The following GORAB variants were observed in gnomAD, a reference collection of about 807,000 sequenced individuals.
GORAB encodes RAB6-interacting golgin.
Under a neutral mutation model 29.9 loss-of-function variants are expected in GORAB, and 17 were observed. The observed-to-expected ratio is 0.57, with a 90% CI of 0.39 to 0.85. The LOEUF (loss-of-function observed/expected upper bound fraction) is 0.85, where lower values mean the gene tolerates loss of function less well. Ranked by LOEUF, GORAB falls within the 40% of genes least tolerant of loss-of-function variation. GORAB has a pLI of 0.00. For synonymous variants in GORAB, 183 were observed against 157.2 expected (o/e 1.16, Z -1.23); for missense variants, 442 against 437.8 (o/e 1.01, Z -0.09).
At chr1:170,534,560 G>A (rs144843723) in intron 1 of GORAB, among the ~76,000 whole-genome samples, 7 of 152,094 alleles carry the variant, frequency 4.6e-5, no homozygotes, top group Non-Finnish European at 5.9e-5. Context: ...AGTTAGCAGC[G>A]GACCACATAT....
chr1:170,548,761 A>C (rs1306463382), intron 4 of GORAB, among the ~76,000 whole-genome samples: 1 of 152,216 alleles, frequency 6.6e-6, no homozygotes, highest in African/African-American at 2.4e-5. Flanking sequence ...GTAATGATGA[A>C]ATAATTCCTA....
At position 170,553,119 on chromosome 1, in the gene GORAB, C is replaced by T. The variant is rs1458581013; in HGVS notation, c.*657C>T. Reference sequence around the variant, plus strand: ...TGAAACACACACACTTATATATAAACACATGTAATTTTACTATTTTATTGT... The same window carrying T: ...TGAAACACACACACTTATATATAAATACATGTAATTTTACTATTTTATTGT... On this transcript the variant is annotated 3_prime_UTR_variant, in exon 5 of 5. Transcript: ENST00000367763. 2.3e-6 allele frequency: 1 copy of T among 443,302 alleles called. No homozygotes were observed. The highest frequency in any genetic ancestry group is 4.5e-6 in the Non-Finnish European group (1 of 223,424). 27.5% of individuals were successfully genotyped at this position (443,302 alleles called of 1,614,324 possible).
intron 1 of GORAB, among the ~76,000 whole-genome samples, chr1:170,533,274 A>C (rs903319118): frequency 1.3e-5 from 2 of 152,236 alleles, no homozygotes; most frequent in Non-Finnish European, 2.9e-5. Flanking sequence ...TGGGAAAAGA[A>C]GTAAATTAGT....
intron 2 of GORAB, among the ~76,000 whole-genome samples, chr1:170,541,388 A>G (rs1367908235): frequency 1.2e-4 from 19 of 152,074 alleles, no homozygotes; most frequent in Admixed American, 1.2e-3. Flanking sequence ...CGCAATCAAA[A>G]TAAAGGTTAG....
At position 170,539,429 on chromosome 1, in the gene GORAB, C is replaced by G. The variant is rs761888047; in HGVS notation, c.281C>G (p.Pro94Arg). 6 of 1,614,138 alleles carry G rather than the reference C, an allele frequency of 3.7e-6. No individual in the cohort carries two copies. The South Asian group carries it at 6.6e-5, about 18-fold the overall frequency. Residue 94 changes from proline (P) to arginine (R), a missense_variant, in exon 2 of 5, where the codon CCC (proline) becomes CGC (arginine). Pro to Arg is a moderately radical substitution (Grantham distance 103). Coordinates refer to ENST00000367763, the MANE Select transcript of GORAB (RefSeq NM_152281.3). ...TLPSHFTLTS[P>R]VGDGQPQGIE... ...CCGAGTCATTTCACTCTCACCTCCC[C>G]CGTTGGTGATGGACAACCACAGGGC...
At chr1:170,544,277 G>T (rs2101826908) in intron 3 of GORAB, among the ~76,000 whole-genome samples, 1 of 152,230 alleles carries the variant, frequency 6.6e-6, no homozygotes, top group African/African-American at 2.4e-5. Flanking sequence ...AAAGAGGTGT[G>T]GTTTAGTATA....
chr1:170,532,333 G>GAGGCGGGGATGCAGCTT, intron 1 of GORAB, 49 bp downstream of exon 1: 1 of 1,596,210 alleles, frequency 6.3e-7, no homozygotes, highest in Non-Finnish European at 8.6e-7. Context: ...TTAAGGGGAA[G>GAGGCGGGGATGCAGCTT]AGGCGGGGAT....
chr1:170,536,974 G>T (rs1002208391), intron 1 of GORAB, among the ~76,000 whole-genome samples: 4 of 152,106 alleles, frequency 2.6e-5, no homozygotes, highest in African/African-American at 9.7e-5. Context: ...AAAGGATATG[G>T]AGTATATATC....
At chr1:170,544,529 C>A in intron 3 of GORAB, 176 bp from the exon 4 acceptor site, 1 of 516,420 alleles carries the variant, frequency 1.9e-6, no homozygotes, top group Non-Finnish European at 3.3e-6. Context: ...TATAAAATTT[C>A]AAAAACTCAA....
intron 1 of GORAB, among the ~76,000 whole-genome samples, chr1:170,533,827 A>G (rs781600865): frequency 2.0e-5 from 3 of 152,230 alleles, no homozygotes; most frequent in Admixed American, 2.0e-4. Flanking sequence ...AGGACGGAAA[A>G]TATCTTAACC....
Position 170,552,509 on chromosome 1 carries a change from T to G in GORAB, c.*47T>G, listed in dbSNP as rs7552922. ...TAATATGGTATTGAGTAAAGTATAC[T>G]TTTTGCAGTAGATCATGCCCTGACC... On this transcript the variant is annotated 3_prime_UTR_variant, in exon 5 of 5. Coordinates refer to ENST00000367763, the MANE Select transcript of GORAB (RefSeq NM_152281.3). 0.15 allele frequency: 215,268 copies of G among 1,484,282 alleles called. 17,717 individuals carry two copies. The highest frequency in any genetic ancestry group is 0.31 in the South Asian group (27,144 of 88,088). The allele number at this position is 1,484,282 out of a possible 1,614,324, so 91.9% of individuals were successfully genotyped here.
intron 1 of GORAB, among the ~76,000 whole-genome samples, chr1:170,537,235 C>A (rs1471548951): frequency 6.6e-6 from 1 of 152,046 alleles, no homozygotes; most frequent in Non-Finnish European, 1.5e-5. Context: ...GCCAGCTATA[C>A]CTGTTGCCTT....
At chr1:170,539,009 T>A in intron 1 of GORAB, 1 of 627,300 alleles carries the variant, frequency 1.6e-6, no homozygotes, top group Non-Finnish European at 2.7e-6. Flanking sequence ...CAGTTTCTGT[T>A]AAATATTAAC....
At chr1:170,536,121 G>A (rs1649047417) in intron 1 of GORAB, among the ~76,000 whole-genome samples, 1 of 151,960 alleles carries the variant, frequency 6.6e-6, no homozygotes, top group Non-Finnish European at 1.5e-5. Context: ...TGCCACTAAC[G>A]TGGTATATGT....
intron 4 of GORAB, chr1:170,545,793 T>C (rs1649721646): frequency 6.2e-6 from 6 of 964,228 alleles, no homozygotes; most frequent in Non-Finnish European, 7.4e-6. Context: ...TAAGAAAGAG[T>C]CTTGTGGTTG....
intron 4 of GORAB, among the ~76,000 whole-genome samples, chr1:170,547,122 T>C (rs1324427532): frequency 1.3e-5 from 2 of 152,228 alleles, no homozygotes; most frequent in Non-Finnish European, 2.9e-5. Context: ...TTGTGGTTAT[T>C]GAGAAATTAC....
chr1:170,550,207 A>C (rs1650025512), intron 4 of GORAB, among the ~76,000 whole-genome samples: 2 of 152,212 alleles, frequency 1.3e-5, no homozygotes, highest in South Asian at 2.1e-4. Context: ...ACTCCAGTAC[A>C]TTTAATCCAT....
Position 170,552,132 on chromosome 1 carries a change from G to A in GORAB, c.780G>A (p.Glu260=), listed in dbSNP as rs768032162. The A allele has an allele frequency of 1.2e-6, 2 of 1,614,108 alleles. No homozygotes were observed. Among genetic ancestry groups the A allele is most frequent in the African/African-American group, 1.3e-5 (1 of 75,040 alleles). ...EHLCTIIQQN[E]LRKAKKLEEL... is the part of the protein sequence containing the mutation. The stretch of plus-strand genomic sequence containing the variant: ...TTTGTACGATCATACAGCAAAATGA[G>A]CTCCGAAAGGCCAAGAAGTTGGAGG... Residue 260 remains glutamate (E), a synonymous_variant, in exon 5 of 5, where the codon GAG becomes GAA. Transcript: ENST00000367763.
intron 1 of GORAB, among the ~76,000 whole-genome samples, chr1:170,534,778 G>T (rs1023299724): frequency 6.6e-6 from 1 of 152,110 alleles, no homozygotes; most frequent in Non-Finnish European, 1.5e-5. Flanking sequence ...TACACTCTCT[G>T]ATGTTTGCGC....
Sources: gnomAD v4.1 joint callset for allele counts (sites outside exome capture counted in the v4.1 genomes callset) on GRCh38, gnomAD v4.1.1 for gene constraint, MANE v1.5 for transcripts, NCBI Gene and HGNC (gene_info 2026-07-23, HGNC 2026-07-21) for gene names.